The following PLB1 variants were observed in gnomAD, a reference collection of about 807,000 sequenced individuals.
PLB1 encodes phospholipase B1.
Under a neutral mutation model 227.4 loss-of-function variants are expected in PLB1, and 242 were observed. That is an observed-to-expected ratio of 1.06 (90% CI 0.96 to 1.18). The LOEUF (loss-of-function observed/expected upper bound fraction) is 1.18. PLB1 is among the 50% of genes most tolerant of loss of function. PLB1 has a pLI of 0.00. For synonymous variants in PLB1, 757 were observed against 682.2 expected (o/e 1.11, Z -1.71); for missense variants, 1,858 against 1,816.3 (o/e 1.02, Z -0.42).
rs769367401 is a variant in PLB1 at position 28,604,678 on chromosome 2, GT to G, written c.2881del (p.Ser961GlnfsTer72). On this transcript the variant is annotated frameshift_variant, in exon 41 of 58. Coordinates refer to ENST00000327757, the MANE Select transcript of PLB1 (RefSeq NM_153021.5). LOFTEE classifies it high-confidence loss of function. The stretch of plus-strand genomic sequence containing the variant: ...AGAGCAGCATGCGCGAGCTGGTGGG[GT>G]CAGGCCGCTATGACACGCAGGAGGA... ...YRSSMRELVG[S>X]GRYDTQEDFS... 2 of 1,614,122 alleles carry G rather than the reference GT, an allele frequency of 1.2e-6. No homozygotes were observed. Among genetic ancestry groups the G allele is most frequent in the Non-Finnish European group, 1.7e-6 (2 of 1,180,022 alleles).
At chr2:28,567,868 T>C (rs929098141) in intron 20 of PLB1, among the ~76,000 whole-genome samples, 1 of 152,206 alleles carries the variant, frequency 6.6e-6, no homozygotes, top group South Asian at 2.1e-4. Flanking sequence ...AAGCGATACA[T>C]ATTTAAATTG....
At chr2:28,633,466 C>T (rs1688931417) in intron 56 of PLB1, 1 of 171,286 alleles carries the variant, frequency 5.8e-6, no homozygotes, top group South Asian at 1.4e-4. Flanking sequence ...GTACATGGCA[C>T]CTAGCACAAT....
At position 28,550,087 on chromosome 2, in the gene PLB1, A is replaced by G. The variant is rs1189504311; in HGVS notation, c.1083+3A>G. On this transcript the variant is annotated splice_donor_region_variant and intron_variant, in intron 16 of 57. Coordinates refer to ENST00000327757, the MANE Select transcript of PLB1 (RefSeq NM_153021.5). Reference sequence around the variant, plus strand: ...AGAAACCCCAAGACAAGCTTGAGGTAAGGAAAGGTTTTCTGTAATTGACAA... The same window carrying G: ...AGAAACCCCAAGACAAGCTTGAGGTGAGGAAAGGTTTTCTGTAATTGACAA... 9.3e-6 allele frequency: 15 copies of G among 1,607,982 alleles called. No homozygotes were observed. Among genetic ancestry groups the G allele is most frequent in the Non-Finnish European group, 1.3e-5 (15 of 1,175,314 alleles).
At chr2:28,600,317 G>C (rs1483334397) in intron 35 of PLB1, among the ~76,000 whole-genome samples, 6 of 152,164 alleles carry the variant, frequency 3.9e-5, no homozygotes, top group Non-Finnish European at 8.8e-5. Flanking sequence ...ATACGTAAGA[G>C]AAAAATCGCA....
chr2:28,512,105 C>A (rs1489483033), intron 1 of PLB1, among the ~76,000 whole-genome samples: 2 of 127,888 alleles, frequency 1.6e-5, no homozygotes, highest in Non-Finnish European at 3.2e-5. Context: ...TCTCTCTCTT[C>A]TTCTTCTGGG....
intron 6 of PLB1, among the ~76,000 whole-genome samples, chr2:28,528,100 G>A (rs1176662330): frequency 1.3e-5 from 2 of 152,176 alleles, no homozygotes; most frequent in Non-Finnish European, 2.9e-5. Context: ...AATCACCCAC[G>A]AGTTAGGAGG....
chr2:28,614,844 T>G (rs758679711), intron 44 of PLB1, among the ~76,000 whole-genome samples: 1 of 152,152 alleles, frequency 6.6e-6, no homozygotes, highest in Non-Finnish European at 1.5e-5. Context: ...AATTTCACAA[T>G]TATTGAGCAC....
At chr2:28,629,069 C>G (rs762847467) in intron 52 of PLB1, 25 bp from the exon 53 acceptor site, 7 of 1,605,954 alleles carry the variant, frequency 4.4e-6, no homozygotes, top group South Asian at 2.2e-5. Flanking sequence ...AGTGCCCTAA[C>G]GAAACCACCC....
intron 44 of PLB1, among the ~76,000 whole-genome samples, chr2:28,616,064 G>A (rs1263101743): frequency 6.6e-6 from 1 of 152,228 alleles, no homozygotes; most frequent in Non-Finnish European, 1.5e-5. Context: ...GTTATTAGAG[G>A]CTGGGAAGGG....
rs759537881 is a variant in PLB1 at position 28,604,673 on chromosome 2, G to T, written c.2875G>T (p.Val959Leu). The change falls in exon 41 of 58, where the codon GTG (valine) becomes TTG (leucine). Residue 959 changes from valine to leucine, a missense_variant. Coordinates refer to ENST00000327757, the MANE Select transcript of PLB1 (RefSeq NM_153021.5). Reference protein sequence around the residue: ...RAYRSSMRELVGSGRYDTQED... With the variant: ...RAYRSSMRELLGSGRYDTQED... ...TCCCCAGAGCAGCATGCGCGAGCTG[G>T]TGGGGTCAGGCCGCTATGACACGCA... The T allele has an allele frequency of 1.2e-6, 2 of 1,614,122 alleles. No individual in the cohort carries two copies. The highest frequency in any genetic ancestry group is 4.5e-5 in the East Asian group (2 of 44,870).
chr2:28,613,352 T>C (rs1685756409), intron 43 of PLB1, among the ~76,000 whole-genome samples: 2 of 152,240 alleles, frequency 1.3e-5, no homozygotes, highest in Admixed American at 6.5e-5. Flanking sequence ...CTCAGTCTTA[T>C]CAACTTGATC....
intron 56 of PLB1, among the ~76,000 whole-genome samples, chr2:28,635,417 A>T (rs1365172539): frequency 6.6e-6 from 1 of 152,228 alleles, no homozygotes; most frequent in African/African-American, 2.4e-5. Flanking sequence ...AGTTTGCCCA[A>T]CATAACACAG....
chr2:28,585,179 A>G (rs1283430737), intron 25 of PLB1, among the ~76,000 whole-genome samples: 1 of 152,204 alleles, frequency 6.6e-6, no homozygotes, highest in African/African-American at 2.4e-5. Flanking sequence ...TTCCTCAGAC[A>G]GCCGTAAGGT....
At position 28,605,959 on chromosome 2, in the gene PLB1, T is replaced by G. The variant is rs1347860510; in HGVS notation, c.3057+11T>G. 6.3e-7 allele frequency: 1 copy of G among 1,587,174 alleles called. No individual in the cohort carries two copies. The highest frequency in any genetic ancestry group is 1.3e-5 in the African/African-American group (1 of 74,376). ...CTTTGGACCAATATGGTAAAATAAG[T>G]GGGGTGTTCCTTGTTCTCTGGGGTT... On this transcript the variant is annotated intron_variant, in intron 42 of 57. Coordinates refer to ENST00000327757, the MANE Select transcript of PLB1 (RefSeq NM_153021.5).
At chr2:28,531,380 C>T (rs767519169) in intron 8 of PLB1, among the ~76,000 whole-genome samples, 3 of 152,124 alleles carry the variant, frequency 2.0e-5, no homozygotes, top group Non-Finnish European at 2.9e-5. Flanking sequence ...GGTGCGATCT[C>T]GTTTCATCAC....
At chr2:28,577,794 C>T (rs114511494) in intron 21 of PLB1, among the ~76,000 whole-genome samples, 1,875 of 152,286 alleles carry the variant, frequency 0.012, 18 homozygotes, top group South Asian at 0.039. Context: ...AAGCTGAGAT[C>T]GTGCCGCTGC....
At chr2:28,592,808 C>T in intron 32 of PLB1, 89 bp downstream of exon 32, 7 of 1,257,136 alleles carry the variant, frequency 5.6e-6, no homozygotes, top group Non-Finnish European at 7.9e-6. Flanking sequence ...GCATGCCTGT[C>T]CTCTGCCTTA....
intron 14 of PLB1, among the ~76,000 whole-genome samples, chr2:28,545,530 C>T (rs1054904764): frequency 1.3e-5 from 2 of 152,092 alleles, no homozygotes; most frequent in Admixed American, 6.6e-5. Flanking sequence ...GATTTCGGTC[C>T]CACTTTCGGT....
At position 28,548,848 on chromosome 2, in the gene PLB1, G is replaced by A. The variant is rs371049357; in HGVS notation, c.937-12G>A. 30 of 1,613,964 alleles carry A rather than the reference G, an allele frequency of 1.9e-5. No individual in the cohort carries two copies. Among genetic ancestry groups the A allele is most frequent in the East Asian group, 1.6e-4 (7 of 44,882 alleles). ...AAAACTTCCCTGTTCTAAAGCCCAC[G>A]TTCCTTTCTAGATGGAGCCAGCAGG... On this transcript the variant is annotated splice_polypyrimidine_tract_variant and intron_variant, in intron 14 of 57. Transcript: ENST00000327757.
Sources: allele counts gnomAD v4.1 joint callset (sites outside exome capture counted in the v4.1 genomes callset), GRCh38; gene constraint gnomAD v4.1.1; transcripts MANE v1.5; gene names NCBI Gene and HGNC (gene_info 2026-07-23, HGNC 2026-07-21).